Variants in GALNT14 observed in about 807,000 individuals in gnomAD.
The protein encoded by GALNT14 is UDP-GalNAc:polypeptide N-acetylgalactosaminyltransferase 14.
In GALNT14, 60 loss-of-function variants were observed where a neutral mutation model predicts 77.5. The ratio of observed to expected loss-of-function variants is 0.77; its 90% confidence interval spans 0.63 to 0.96. The LOEUF (loss-of-function observed/expected upper bound fraction) is 0.96, where lower values mean the gene tolerates loss of function less well. GALNT14 is among the 40% of genes least tolerant of loss of function. The pLI is 0.00. For synonymous variants in GALNT14, 280 were observed against 281.7 expected, an observed-to-expected ratio of 0.99 and a Z score of 0.06; for missense variants, 710 against 731.0, an observed-to-expected ratio of 0.97 and a Z score of 0.33.
rs114578749 is a variant in GALNT14 at position 30,966,884 on chromosome 2, C to T, written c.300-582G>A. On this transcript the variant is annotated intron_variant, in intron 2 of 14. Coordinates refer to ENST00000349752, the MANE Select transcript of GALNT14 (RefSeq NM_024572.4). ...TGAAAAGGCATTCACTTCCATGTAT[C>T]CAGGATTATTTCCTATGACAATTAC... 3.0e-3 allele frequency among the ~76,000 whole-genome samples: 462 copies of T among 152,322 alleles called. 2 individuals carry two copies. Among genetic ancestry groups the T allele is most frequent in the African/African-American group, 0.01 (428 of 41,558 alleles).
At chr2:31,095,313 G>T (rs898225281) in intron 1 of GALNT14, among the ~76,000 whole-genome samples, 4 of 152,148 alleles carry the variant, frequency 2.6e-5, no homozygotes, top group Middle Eastern at 6.3e-3. Flanking sequence ...TACCAAATGT[G>T]CATCAGCCCT....
chr2:31,089,627 A>T (rs552639746), intron 1 of GALNT14, among the ~76,000 whole-genome samples: 27 of 152,210 alleles, frequency 1.8e-4, no homozygotes, highest in Admixed American at 7.8e-4. Flanking sequence ...CCTGCCGTGG[A>T]CATACTGACA....
intron 1 of GALNT14, among the ~76,000 whole-genome samples, chr2:31,085,025 T>TAA (rs70962301): frequency 6.9e-5 from 10 of 145,792 alleles, no homozygotes; most frequent in African/African-American, 2.3e-4. Flanking sequence ...AGACTCCATC[T>TAA]AAAAAAAAAA....
chr2:31,090,657 T>C (rs1307439309), intron 1 of GALNT14, among the ~76,000 whole-genome samples: 1 of 152,006 alleles, frequency 6.6e-6, no homozygotes, highest in Non-Finnish European at 1.5e-5. Flanking sequence ...AATTTTTGTA[T>C]TTTTAGTAGA....
chr2:30,922,876 T>A (rs1037322167), intron 13 of GALNT14, among the ~76,000 whole-genome samples: 2 of 152,142 alleles, frequency 1.3e-5, no homozygotes, highest in African/African-American at 4.8e-5. Flanking sequence ...CATGGATAGA[T>A]GAAGATAAGG....
chr2:30,955,994 T>C lies in GALNT14; in HGVS notation c.467-17A>G. On this transcript the variant is annotated splice_polypyrimidine_tract_variant and intron_variant, in intron 4 of 14. Transcript: ENST00000349752. ...AGTCATCAGCTGCAAAGACAAAAGG[T>C]TAAGCCAATTGAGCGCCCAGGGATG... 1 of 1,614,012 alleles carries C rather than the reference T, an allele frequency of 6.2e-7. No individual in the cohort carries two copies. Among genetic ancestry groups the C allele is most frequent in the Non-Finnish European group, 8.5e-7 (1 of 1,179,884 alleles).
chr2:30,900,894 G>A, the GALNT14 span, among the ~76,000 whole-genome samples: 9 of 152,294 alleles, frequency 5.9e-5, no homozygotes, highest in East Asian at 5.8e-4. Context: ...CCCTACTATC[G>A]TTGTATGTTT....
intron 2 of GALNT14, among the ~76,000 whole-genome samples, chr2:30,989,242 C>A (rs777625845): frequency 6.6e-6 from 1 of 152,036 alleles, no homozygotes; most frequent in Non-Finnish European, 1.5e-5. Context: ...ACCAGCACCC[C>A]ACACTCATGG....
the GALNT14 span, among the ~76,000 whole-genome samples, chr2:30,900,812 G>A: frequency 6.6e-6 from 1 of 152,232 alleles, no homozygotes; most frequent in African/African-American, 2.4e-5. Context: ...CGACGGGGCT[G>A]GGGCTTTAAC....
intron 1 of GALNT14, among the ~76,000 whole-genome samples, chr2:31,133,281 T>C (rs993783858): frequency 3.3e-5 from 5 of 152,214 alleles, no homozygotes; most frequent in Admixed American, 3.3e-4. Flanking sequence ...GTTGGACAGT[T>C]ACAAAATTCC....
intron 1 of GALNT14, among the ~76,000 whole-genome samples, chr2:31,075,423 G>A (rs1359154416): frequency 2.0e-5 from 3 of 152,198 alleles, no homozygotes; most frequent in African/African-American, 4.8e-5. Flanking sequence ...CCACCTAGAA[G>A]CTGCTCCTAA....
chr2:30,976,956 T>A (rs1204921961), intron 2 of GALNT14, among the ~76,000 whole-genome samples: 1 of 152,144 alleles, frequency 6.6e-6, no homozygotes, highest in African/African-American at 2.4e-5. Flanking sequence ...GAGTGAGTGG[T>A]GGGGCCTCAA....
chr2:30,969,347 C>T (rs1396267968), intron 2 of GALNT14, among the ~76,000 whole-genome samples: 1 of 152,218 alleles, frequency 6.6e-6, no homozygotes, highest in Non-Finnish European at 1.5e-5. Flanking sequence ...GGGATGCTTC[C>T]TATTCCACAT....
chr2:30,979,429 C>G (rs753657776), intron 2 of GALNT14, among the ~76,000 whole-genome samples: 1 of 151,966 alleles, frequency 6.6e-6, no homozygotes, highest in Non-Finnish European at 1.5e-5. Flanking sequence ...AGGTGTGGGA[C>G]AAGGAGTACA....
In GALNT14 at chr2:31,070,163, G is replaced by A. The variant is rs75214934; in HGVS notation, c.129+67795C>T. Among the ~76,000 whole-genome samples, 7 of 152,070 alleles carry A rather than the reference G, an allele frequency of 4.6e-5. No individual in the cohort carries two copies. The East Asian group carries it at 5.8e-4, about 13-fold the overall frequency. On this transcript the variant is annotated intron_variant, in intron 1 of 14. Coordinates refer to ENST00000349752, the MANE Select transcript of GALNT14 (RefSeq NM_024572.4). Reference sequence around the variant, plus strand: ...GGCAGGGCATACAGTGGGATCCCTCGACCAAGGACTTCTTCCCAGGTTGAC... The same window carrying A: ...GGCAGGGCATACAGTGGGATCCCTCAACCAAGGACTTCTTCCCAGGTTGAC...
At chr2:30,951,615 T>C (rs942453837) in intron 6 of GALNT14, among the ~76,000 whole-genome samples, 3 of 152,220 alleles carry the variant, frequency 2.0e-5, no homozygotes, top group African/African-American at 7.2e-5. Flanking sequence ...TAACTTTCAT[T>C]ATATGTATTT....
downstream of GALNT14, among the ~76,000 whole-genome samples, chr2:30,909,054 C>T (rs1664227665): frequency 6.6e-6 from 1 of 151,936 alleles, no homozygotes; most frequent in African/African-American, 2.4e-5. Flanking sequence ...ATACAAAATT[C>T]AATTCAAGAT....
chr2:31,110,205 C>T (rs959166822), intron 1 of GALNT14, among the ~76,000 whole-genome samples: 3 of 148,124 alleles, frequency 2.0e-5, no homozygotes, highest in Admixed American at 2.0e-4. Flanking sequence ...TTCTCCCTTT[C>T]TTACCTCCTA....
chr2:31,090,829 T>C (rs866283495), intron 1 of GALNT14, among the ~76,000 whole-genome samples: 5 of 151,908 alleles, frequency 3.3e-5, no homozygotes, highest in Non-Finnish European at 4.4e-5. Flanking sequence ...TTTTTCCTCA[T>C]CTGTGAAGAG....
Sources: gnomAD v4.1 joint callset for allele counts (sites outside exome capture counted in the v4.1 genomes callset) on GRCh38, gnomAD v4.1.1 for gene constraint, MANE v1.5 for transcripts, NCBI Gene and HGNC (gene_info 2026-07-23, HGNC 2026-07-21) for gene names.